MS4A1: variants seen among roughly 807,000 people sequenced by gnomAD.
MS4A1 encodes membrane spanning 4-domains A1.
In MS4A1, 16 loss-of-function variants were observed where a neutral mutation model predicts 26.5. The ratio of observed to expected loss-of-function variants is 0.60; its 90% CI spans 0.41 to 0.92. The LOEUF is 0.92. Ranked by LOEUF, MS4A1 falls within the 40% of genes least tolerant of loss-of-function variation. MS4A1 has a pLI of 0.00. For synonymous variants in MS4A1, 128 were observed against 117.6 expected, an observed-to-expected ratio of 1.09 and a Z score of -0.57; for missense variants, 350 against 353.0, an observed-to-expected ratio of 0.99 and a Z score of 0.07.
chr11:60,457,955 A>G (rs1274276101), intron 1 of MS4A1: 1 of 152,230 alleles, frequency 6.6e-6, no homozygotes, highest in African/African-American at 2.4e-5. Flanking sequence ...TAGTCATAAA[A>G]GGAGTATTTA....
In MS4A1 at chr11:60,468,396, A is replaced by C; in HGVS notation, c.822A>C (p.Glu274Asp). 1 of 1,614,192 alleles carries C rather than the reference A, an allele frequency of 6.2e-7. No homozygotes were observed. Among genetic ancestry groups the C allele is most frequent in the South Asian group, 1.1e-5 (1 of 91,074 alleles). Residue 274 changes from glutamate (E) to aspartate (D), a missense_variant, in exon 8 of 8, where the codon GAA (glutamate) becomes GAC (aspartate). Coordinates refer to ENST00000345732, the MANE Select transcript of MS4A1 (RefSeq NM_152866.3). Reference sequence around the variant, plus strand: ...CAATCCAAGAAGAGGAAGAAGAAGAAACAGAGACGAACTTTCCAGAACCTC... The same window carrying C: ...CAATCCAAGAAGAGGAAGAAGAAGACACAGAGACGAACTTTCCAGAACCTC... ...IIPIQEEEEE[E>D]TETNFPEPPQ...
At chr11:60,466,805 C>G (rs564308761) in intron 6 of MS4A1, 154 bp from the exon 7 acceptor site, 1 of 750,638 alleles carries the variant, frequency 1.3e-6, no homozygotes, top group Non-Finnish European at 2.3e-6. Context: ...AAGATGCTGT[C>G]TCCTGTACTA....
Position 60,462,496 on chromosome 11 carries a change from C to G in MS4A1, c.122C>G (p.Thr41Arg). 3 of 1,614,190 alleles carry G rather than the reference C, an allele frequency of 1.9e-6. No homozygotes were observed. The highest frequency in any genetic ancestry group is 1.3e-5 in the African/African-American group (1 of 75,042). Reference protein sequence around the residue: ...FRRMSSLVGPTQSFFMRESKT... With the variant: ...FRRMSSLVGPRQSFFMRESKT... ...AGGATGTCTTCACTGGTGGGCCCCACGCAAAGCTTCTTCATGAGGGAATCT... is the reference window on the plus strand; with the variant it reads ...AGGATGTCTTCACTGGTGGGCCCCAGGCAAAGCTTCTTCATGAGGGAATCT... The change falls in exon 3 of 8, where the codon ACG (threonine) becomes AGG (arginine). Residue 41 changes from threonine to arginine, a missense_variant. Coordinates refer to ENST00000345732, the MANE Select transcript of MS4A1 (RefSeq NM_152866.3).
chr11:60,457,246 G>A (rs1168715660), intron 1 of MS4A1, among the ~76,000 whole-genome samples: 1 of 152,086 alleles, frequency 6.6e-6, no homozygotes, highest in Non-Finnish European at 1.5e-5. Context: ...GAAGGTAGAG[G>A]ACATGTATAG....
Position 60,465,960 on chromosome 11 carries a change from G to C in MS4A1, c.376G>C (p.Ala126Pro), listed in dbSNP as rs200487438. The C allele has an allele frequency of 6.2e-7, 1 of 1,613,812 alleles. No individual in the cohort carries two copies. The highest frequency in any genetic ancestry group is 8.5e-7 in the Non-Finnish European group (1 of 1,179,830). The stretch of plus-strand genomic sequence containing the variant: ...GATAATGAATTCATTGAGCCTCTTT[G>C]CTGCCATTTCTGGAATGATTCTTTC... ...KMIMNSLSLFAAISGMILSIM... is the reference protein window; with the variant it reads ...KMIMNSLSLFPAISGMILSIM... The change falls in exon 6 of 8, where the codon GCT becomes CCT. Residue 126 changes from alanine (A) to proline (P), a missense_variant. Transcript: ENST00000345732.
At chr11:60,459,033 T>C (rs749037268) in intron 1 of MS4A1, among the ~76,000 whole-genome samples, 1 of 152,124 alleles carries the variant, frequency 6.6e-6, no homozygotes, top group Non-Finnish European at 1.5e-5. Flanking sequence ...ACAACAGGCA[T>C]AGCCCAAGTA....
intron 1 of MS4A1, chr11:60,458,030 TA>T (rs1462058686): frequency 6.6e-6 from 1 of 152,338 alleles, no homozygotes; most frequent in East Asian, 1.9e-4. Context: ...GGAAGGTAAC[TA>T]TTACCTTAAA....
At position 60,468,348 on chromosome 11, in the gene MS4A1, T is replaced by C; in HGVS notation, c.774T>C (p.Asn258=). The change falls in exon 8 of 8, where the codon AAT becomes AAC. Residue 258 remains asparagine (N), a synonymous_variant. Coordinates refer to ENST00000345732, the MANE Select transcript of MS4A1 (RefSeq NM_152866.3). ...GLTETSSQPK[N]EEDIEIIPIQ... is the part of the protein sequence containing the mutation. The stretch of plus-strand genomic sequence containing the variant: ...CTGAAACATCTTCCCAACCAAAGAA[T>C]GAAGAAGACATTGAAATTATTCCAA... The C allele has an allele frequency of 6.2e-7, 1 of 1,614,006 alleles. No individual in the cohort carries two copies. The highest frequency in any genetic ancestry group is 8.5e-7 in the Non-Finnish European group (1 of 1,179,950).
intron 4 of MS4A1, 77 bp from the exon 5 acceptor site, chr11:60,464,211 A>G (rs2086271509): frequency 9.2e-7 from 1 of 1,088,982 alleles, no homozygotes; most frequent in Admixed American, 1.9e-5. Flanking sequence ...ATCAATGTTA[A>G]AAAGTGATCT....
chr11:60,462,322 C>A lies in MS4A1; in HGVS notation c.-53C>A, dbSNP rs749814793. 1 of 1,604,202 alleles carries A rather than the reference C, an allele frequency of 6.2e-7. No individual in the cohort carries two copies. The highest frequency in any genetic ancestry group is 1.1e-5 in the South Asian group (1 of 90,684). On this transcript the variant is annotated 5_prime_UTR_variant, in exon 3 of 8. Coordinates refer to ENST00000345732, the MANE Select transcript of MS4A1 (RefSeq NM_152866.3). ...AGGTAAGACTGCCAAAAATCTTGTTCTTGCTCTCCTCATTTTGTTATTTGT... is the reference window on the plus strand; with the variant it reads ...AGGTAAGACTGCCAAAAATCTTGTTATTGCTCTCCTCATTTTGTTATTTGT...
At chr11:60,464,675 C>T (rs1191718592) in intron 5 of MS4A1, among the ~76,000 whole-genome samples, 1 of 152,190 alleles carries the variant, frequency 6.6e-6, no homozygotes. Context: ...TGATCAATGT[C>T]ATGATTGATT....
intron 2 of MS4A1, 152 bp from the exon 3 acceptor site, chr11:60,462,033 C>A: frequency 2.6e-6 from 1 of 382,356 alleles, no homozygotes; most frequent in South Asian, 2.2e-5. Flanking sequence ...GAAAAGCATC[C>A]AGGAATAAGA....
At chr11:60,463,906 T>A in intron 4 of MS4A1, 1 of 396,678 alleles carries the variant, frequency 2.5e-6, no homozygotes, top group South Asian at 1.9e-5. Context: ...GTCATTTATG[T>A]CACTGTGAAC....
At chr11:60,458,501 G>A (rs2086222008) in intron 1 of MS4A1, among the ~76,000 whole-genome samples, 2 of 152,192 alleles carry the variant, frequency 1.3e-5, no homozygotes, top group African/African-American at 4.8e-5. Flanking sequence ...GATCACCTGA[G>A]TCTCTATTTT....
In MS4A1 at chr11:60,470,504, C is replaced by T. The variant is rs1210289568; in HGVS notation, c.*2036C>T. ...TCAAATAATTAGTTTTAGCTGACCTCACATAACTCCTTATAATAGGAGACA... is the reference window on the plus strand; with the variant it reads ...TCAAATAATTAGTTTTAGCTGACCTTACATAACTCCTTATAATAGGAGACA... On this transcript the variant is annotated 3_prime_UTR_variant, in exon 8 of 8. Transcript: ENST00000345732. 1 of 151,922 alleles carries T rather than the reference C, an allele frequency of 6.6e-6. No individual in the cohort carries two copies. Among genetic ancestry groups the T allele is most frequent in the Non-Finnish European group, 1.5e-5 (1 of 67,884 alleles). 9.4% of individuals were successfully genotyped at this position (151,922 alleles called of 1,614,324 possible). A position where few individuals can be genotyped will look rare whatever the true frequency, so the allele number is the denominator to read the frequency against.
At chr11:60,463,742 G>C (rs906617883) in intron 4 of MS4A1, 2 of 451,132 alleles carry the variant, frequency 4.4e-6, no homozygotes, top group East Asian at 1.4e-4. Flanking sequence ...GTTAGAACAA[G>C]AGTTTCCTCC....
At chr11:60,467,759 A>G (rs2086306291) in intron 7 of MS4A1, among the ~76,000 whole-genome samples, 2 of 152,084 alleles carry the variant, frequency 1.3e-5, no homozygotes, top group South Asian at 4.1e-4. Flanking sequence ...CTCTTCCAAA[A>G]CAACAGGTTA....
In MS4A1 at chr11:60,464,361, C is replaced by A. The variant is rs775881428; in HGVS notation, c.336+17C>A. On this transcript the variant is annotated intron_variant, in intron 5 of 7. Transcript: ENST00000345732. ...AAGTGTTTGGCAAGTAACCATATGT[C>A]CTTCTTTCCCACATGTCAGAGAAGT... 1.9e-6 allele frequency: 3 copies of A among 1,609,356 alleles called. No homozygotes were observed. Among genetic ancestry groups the A allele is most frequent in the Admixed American group, 1.7e-5 (1 of 59,930 alleles).
rs1374133116 is a variant in MS4A1 at position 60,466,994 on chromosome 11, C to G, written c.609C>G (p.Phe203Leu). 1 of 1,614,096 alleles carries G rather than the reference C, an allele frequency of 6.2e-7. No individual in the cohort carries two copies. The highest frequency in any genetic ancestry group is 1.3e-5 in the African/African-American group (1 of 75,014). ...CAGTGATGCTGATCTTTGCCTTCTT[C>G]CAGGAACTTGTAATAGCTGGCATCG... The part of the protein sequence containing the change: ...ILSVMLIFAF[F>L]QELVIAGIVE... The change falls in exon 7 of 8, where the codon TTC becomes TTG. Residue 203 changes from phenylalanine (F) to leucine (L), a missense_variant. Coordinates refer to ENST00000345732, the MANE Select transcript of MS4A1 (RefSeq NM_152866.3).
Sources: allele counts gnomAD v4.1 joint callset (sites outside exome capture counted in the v4.1 genomes callset), GRCh38; gene constraint gnomAD v4.1.1; transcripts MANE v1.5; gene names NCBI Gene and HGNC (gene_info 2026-07-23, HGNC 2026-07-21).